The following CNNM2 variants were observed in gnomAD, a reference collection of about 807,000 sequenced individuals.
The protein encoded by CNNM2 is cyclin and CBS domain divalent metal cation transport mediator 2, also known as metal transporter CNNM2.
CNNM2 carries 12 observed loss-of-function variants against 66.9 expected under a neutral mutation model. The observed-to-expected ratio is 0.18, with a 90% CI of 0.11 to 0.29. The LOEUF is 0.29. CNNM2 is among the 10% of genes least tolerant of loss of function. The probability of loss-of-function intolerance (pLI) is 1.00; values close to 1 mark genes in which losing one functional copy is unlikely to be tolerated. For synonymous variants in CNNM2, 557 were observed against 501.8 expected (o/e 1.11, Z -1.47); for missense variants, 705 against 1,167.7 (o/e 0.60, Z 5.77).
intron 1 of CNNM2, among the ~76,000 whole-genome samples, chr10:102,949,505 C>T (rs1279089420): frequency 1.3e-5 from 2 of 151,108 alleles, no homozygotes; most frequent in South Asian, 2.1e-4. Context: ...ATCTAGTGGC[C>T]GGGCACAGTG....
chr10:103,029,644 C>T (rs1318109517), intron 1 of CNNM2, among the ~76,000 whole-genome samples: 1 of 151,774 alleles, frequency 6.6e-6, no homozygotes, highest in Non-Finnish European at 1.5e-5. Context: ...GGGTGGATCA[C>T]GAGGTTCAGG....
chr10:103,041,983 GTC>G (rs920669179), intron 1 of CNNM2, among the ~76,000 whole-genome samples: 14 of 152,098 alleles, frequency 9.2e-5, no homozygotes, highest in African/African-American at 3.1e-4. Context: ...TTACCTCTGT[GTC>G]TCTCTCTCTT....
At position 103,054,521 on chromosome 10, in the gene CNNM2, C is replaced by T; in HGVS notation, c.1903+55C>T. 1.9e-6 allele frequency: 3 copies of T among 1,582,166 alleles called. No homozygotes were observed. Among genetic ancestry groups the T allele is most frequent in the Non-Finnish European group, 2.6e-6 (3 of 1,159,556 alleles). ...TCTACCAACCCTGAAGCGTGTTTCT[C>T]ACCCACCACTGACTGGGGTGGGTTG... On this transcript the variant is annotated intron_variant, in intron 3 of 7. Coordinates refer to ENST00000369878, the MANE Select transcript of CNNM2 (RefSeq NM_017649.5). This position sits in a 1 kb window ranked among gnomAD's most constrained non-coding sequence, Gnocchi z 5.2.
chr10:103,076,407 C>T (rs2065691886), intron 7 of CNNM2, 137 bp downstream of exon 7: 8 of 802,270 alleles, frequency 1.0e-5, no homozygotes, highest in Non-Finnish European at 1.4e-5. Context: ...CCATTCTCAA[C>T]TACACACCCT....
chr10:102,931,105 T>C (rs1846047302), intron 1 of CNNM2, among the ~76,000 whole-genome samples: 1 of 152,146 alleles, frequency 6.6e-6, no homozygotes, highest in Non-Finnish European at 1.5e-5. Flanking sequence ...TTGGGGTGAG[T>C]TCTGAGCAAC....
rs529017830 is a variant in CNNM2, at chr10:102,945,862, G to C, written c.1621+25761G>C. 2.6e-5 allele frequency among the ~76,000 whole-genome samples: 4 copies of C among 151,958 alleles called. No individual in the cohort carries two copies. In the East Asian group the frequency reaches 7.8e-4, roughly 29 times the overall value. ...TCTCGCAGGATGATGAGCTCCTTGA[G>C]GTCAGGAATTTTGTTTAGTTTGCCT... On this transcript the variant is annotated intron_variant, in intron 1 of 7. Transcript: ENST00000369878.
intron 1 of CNNM2, among the ~76,000 whole-genome samples, chr10:102,967,095 T>C (rs1433632961): frequency 5.3e-5 from 8 of 152,114 alleles, no homozygotes; most frequent in Admixed American, 5.2e-4. Context: ...TACAGGTGCA[T>C]GCCAACATAC....
intron 1 of CNNM2, among the ~76,000 whole-genome samples, chr10:103,014,472 C>CCTAAG (rs2064403536): frequency 6.6e-6 from 1 of 152,116 alleles, no homozygotes; most frequent in South Asian, 2.1e-4. Context: ...GAGTAACTTG[C>CCTAAG]CTAAGGTCAA....
rs2065263854 is a variant in CNNM2 at position 103,054,409 on chromosome 10, A to G, written c.1846A>G (p.Met616Val). 1 of 1,613,808 alleles carries G rather than the reference A, an allele frequency of 6.2e-7. No homozygotes were observed. Among genetic ancestry groups the G allele is most frequent in the Middle Eastern group, 1.6e-4 (1 of 6,062 alleles). Residue 616 changes from methionine to valine, a missense_variant, in exon 3 of 8, where the codon ATG becomes GTG. Physicochemically the swap from Met to Val is conservative, Grantham distance 21. This residue lies in a region of CNNM2 where 171 missense variants were observed against 304.8 expected (regional missense o/e 0.56). Coordinates refer to ENST00000369878, the MANE Select transcript of CNNM2 (RefSeq NM_017649.5). This position sits in a 1 kb window ranked among gnomAD's most constrained non-coding sequence, Gnocchi z 5.2. ...TGCCTTTAAGCAGACAGACAGTGAGATGAAGGTTAAAATATCACCACAGCT... is the reference window on the plus strand; with the variant it reads ...TGCCTTTAAGCAGACAGACAGTGAGGTGAAGGTTAAAATATCACCACAGCT... ...FSAFKQTDSE[M>V]KVKISPQLLL... is the part of the protein sequence containing the mutation.
intron 1 of CNNM2, among the ~76,000 whole-genome samples, chr10:102,921,991 T>C (rs1845657286): frequency 6.6e-6 from 1 of 152,198 alleles, no homozygotes; most frequent in East Asian, 1.9e-4. Context: ...CTATGATGGA[T>C]TTATTTTCAT....
At chr10:103,057,144 C>T (rs1240542713) in intron 4 of CNNM2, among the ~76,000 whole-genome samples, 180 bp downstream of exon 4, 1 of 152,060 alleles carries the variant, frequency 6.6e-6, no homozygotes, top group East Asian at 1.9e-4. Context: ...TAAAGCAATG[C>T]CAATAGTTAC....
At chr10:103,070,912 A>G (rs1053262438) in intron 5 of CNNM2, among the ~76,000 whole-genome samples, 3 of 152,152 alleles carry the variant, frequency 2.0e-5, no homozygotes, top group Non-Finnish European at 4.4e-5. Context: ...CCCAGGTGAC[A>G]GAGCGAGAAT....
chr10:103,003,075 A>G (rs2064153428), intron 1 of CNNM2, among the ~76,000 whole-genome samples: 1 of 152,072 alleles, frequency 6.6e-6, no homozygotes, highest in African/African-American at 2.4e-5. Context: ...TCAGCCATAA[A>G]AAGGAATGAA....
At chr10:103,006,985 C>A (rs907048733) in intron 1 of CNNM2, among the ~76,000 whole-genome samples, 2 of 152,140 alleles carry the variant, frequency 1.3e-5, no homozygotes, top group African/African-American at 2.4e-5. Context: ...CAATAAATTT[C>A]TATCAGGGGA....
chr10:102,959,421 G>T (rs1449527106), intron 1 of CNNM2, among the ~76,000 whole-genome samples: 1 of 152,176 alleles, frequency 6.6e-6, no homozygotes, highest in African/African-American at 2.4e-5. Flanking sequence ...CTCTCAGTCT[G>T]GTTGTTATTG....
At chr10:103,008,168 A>G (rs925331113) in intron 1 of CNNM2, among the ~76,000 whole-genome samples, 3 of 151,424 alleles carry the variant, frequency 2.0e-5, no homozygotes, top group Admixed American at 6.6e-5. Flanking sequence ...ACCAGTTTCC[A>G]TGTTTGATTC....
At chr10:103,039,540 T>G (rs924190137) in intron 1 of CNNM2, among the ~76,000 whole-genome samples, 3 of 152,216 alleles carry the variant, frequency 2.0e-5, no homozygotes, top group African/African-American at 4.8e-5. Flanking sequence ...GTTACGTGGC[T>G]TGTAATTCAG....
chr10:102,981,500 C>T (rs2063719624), intron 1 of CNNM2, among the ~76,000 whole-genome samples: 2 of 151,926 alleles, frequency 1.3e-5, no homozygotes, highest in South Asian at 2.1e-4. Flanking sequence ...AGTGATCCTC[C>T]CACCTCAGCC....
intron 1 of CNNM2, among the ~76,000 whole-genome samples, chr10:102,987,722 T>C (rs1425012061): frequency 6.6e-6 from 1 of 152,122 alleles, no homozygotes; most frequent in Non-Finnish European, 1.5e-5. Flanking sequence ...TTTCATAGAA[T>C]ACATAGTCAA....
Sources: allele counts gnomAD v4.1 joint callset (sites outside exome capture counted in the v4.1 genomes callset), GRCh38; gene constraint gnomAD v4.1.1; regional missense constraint gnomAD v4.1.1; non-coding constraint Gnocchi (gnomAD v3.1); transcripts MANE v1.5; gene names NCBI Gene and HGNC (gene_info 2026-07-23, HGNC 2026-07-21).